The following CELA3B variants were observed in gnomAD, a reference collection of about 807,000 sequenced individuals.
The protein encoded by CELA3B is chymotrypsin like elastase 3B, also known as chymotrypsin-like elastase family member 3B.
A neutral mutation model predicts 37.2 loss-of-function variants in CELA3B; 34 were observed. The ratio of observed to expected loss-of-function variants is 0.91; its 90% CI spans 0.70 to 1.22. The LOEUF (loss-of-function observed/expected upper bound fraction) is 1.22, where lower values mean the gene tolerates loss of function less well. Ranked by LOEUF, CELA3B falls within the 50% of genes most tolerant of loss-of-function variation. The pLI is 0.00. For synonymous variants in CELA3B, 127 were observed against 143.5 expected (o/e 0.89, Z 0.82); for missense variants, 340 against 363.1 (o/e 0.94, Z 0.52).
chr1:21,994,390 C>T (rs12135098), intron 4 of CELA3B, among the ~76,000 whole-genome samples: 2 of 151,152 alleles, frequency 1.3e-5, no homozygotes, highest in East Asian at 3.9e-4. Context: ...AGCATCTCCT[C>T]TCTCTGTCCT....
exon 5 of CELA3B, chr1:21,998,281 A>G (rs530777808): frequency 8.7e-6 from 4 of 457,794 alleles, no homozygotes; most frequent in Admixed American, 7.2e-5. Flanking sequence ...GTTTGAGCTC[A>G]TATTTTCCAA....
chr1:21,977,519 C>T (rs776551128), intron 1 of CELA3B, among the ~76,000 whole-genome samples: 34 of 152,244 alleles, frequency 2.2e-4, no homozygotes, highest in Admixed American at 3.3e-4. Context: ...AAGCAGCCTC[C>T]CTTGACTGAC....
At chr1:21,995,885 G>A (rs1644888168) in intron 4 of CELA3B, among the ~76,000 whole-genome samples, 3 of 148,388 alleles carry the variant, frequency 2.0e-5, no homozygotes, top group Admixed American at 6.7e-5. Flanking sequence ...TTCCCTCTCC[G>A]CAGTTTCTCT....
At chr1:21,998,081 T>G (rs1222069787) in intron 4 of CELA3B, 1 of 464,718 alleles carries the variant, frequency 2.2e-6, no homozygotes, top group Non-Finnish European at 4.5e-6. Flanking sequence ...GGTCCCATAA[T>G]CTCATTCCCT....
chr1:21,980,742 A>G (rs1423515946), intron 2 of CELA3B, 82 bp from the exon 3 acceptor site: 38 of 966,750 alleles, frequency 3.9e-5, no homozygotes, highest in East Asian at 3.1e-4. Context: ...AGAGTTGCAC[A>G]GTGCACAACC....
intron 4 of CELA3B, among the ~76,000 whole-genome samples, chr1:21,981,996 A>T (rs183198243): frequency 6.6e-6 from 1 of 152,082 alleles, no homozygotes; most frequent in Non-Finnish European, 1.5e-5. Flanking sequence ...AAGTGCTAGG[A>T]TTACAGGCAT....
chr1:21,981,400 G>C (rs1644803527), intron 4 of CELA3B, among the ~76,000 whole-genome samples: 2 of 151,200 alleles, frequency 1.3e-5, no homozygotes, highest in South Asian at 4.2e-4. Flanking sequence ...AGTGTTCAGG[G>C]AGGGGCGGGA....
chr1:21,987,585 T>A (rs141453473), intron 7 of CELA3B: 9,788 of 147,874 alleles, frequency 0.066, 411 homozygotes, highest in East Asian at 0.14. Context: ...TATACCCATC[T>A]GGTTCTGCAC....
intron 7 of CELA3B, 52 bp from the exon 8 acceptor site, chr1:21,989,210 A>C (rs1416978520): frequency 2.3e-5 from 34 of 1,470,876 alleles, no homozygotes; most frequent in Middle Eastern, 1.7e-4. Context: ...ATCTGACTCC[A>C]GAACCTGTGC....
At position 21,978,408 on chromosome 1, in the gene CELA3B, G is replaced by C. The variant is rs770398632; in HGVS notation, c.83G>C (p.Arg28Pro). Residue 28 changes from arginine to proline, a missense_variant, in exon 2 of 8, where the codon CGC becomes CCC. Physicochemically the swap from Arg to Pro is moderately radical, Grantham distance 103. Coordinates refer to ENST00000337107, the MANE Select transcript of CELA3B (RefSeq NM_007352.4). ...CCACCTTCCTCTCGCCCTTCCAGCC[G>C]CGTTGTCAATGGTGAGGATGCGGTC... ...YGPPSSRPSS[R>P]VVNGEDAVPY... The C allele has an allele frequency of 3.1e-6, 5 of 1,613,924 alleles. No individual in the cohort carries two copies. The highest frequency in any genetic ancestry group is 4.2e-6 in the Non-Finnish European group (5 of 1,179,956).
rs1235585331 is a variant in CELA3B at position 21,980,341 on chromosome 1, C to T, written c.130-483C>T. On this transcript the variant is annotated intron_variant, in intron 2 of 7. Coordinates refer to ENST00000337107, the MANE Select transcript of CELA3B (RefSeq NM_007352.4). ...CTAAAAATACAAAATTAGCCAGGCACGACGGCAGGTGCCTGTAATCCCAGT... is the reference window on the plus strand; with the variant it reads ...CTAAAAATACAAAATTAGCCAGGCATGACGGCAGGTGCCTGTAATCCCAGT... 1.2e-4 allele frequency among the ~76,000 whole-genome samples: 18 copies of T among 152,024 alleles called. 1 individual carries two copies. The highest frequency in any genetic ancestry group is 7.9e-4 in the Admixed American group (12 of 15,242).
At position 21,983,803 on chromosome 1, in the gene CELA3B, T is replaced by C; in HGVS notation, c.472T>C (p.Tyr158His). ...CATCCTTCCCAACGAGACACCCTGC[T>C]ACATCACCGGCTGGGGCCGTCTCTA... ...GDILPNETPC[Y>H]ITGWGRLYTN... Residue 158 changes from tyrosine (Y) to histidine (H), a missense_variant, in exon 5 of 8, where the codon TAC becomes CAC. By Grantham distance (83) the Tyr-to-His change is moderately conservative (BLOSUM62 2). Transcript: ENST00000337107. 1 of 1,614,026 alleles carries C rather than the reference T, an allele frequency of 6.2e-7. No homozygotes were observed. Among genetic ancestry groups the C allele is most frequent in the Admixed American group, 1.7e-5 (1 of 59,974 alleles).
intron 7 of CELA3B, chr1:21,987,672 G>A (rs1361881226): frequency 2.0e-5 from 3 of 150,854 alleles, no homozygotes; most frequent in Admixed American, 2.0e-4. Context: ...ACTGTCCCAG[G>A]TCAGAAACAG....
At position 21,978,432 on chromosome 1, in the gene CELA3B, T is replaced by C. The variant is rs1334538184; in HGVS notation, c.107T>C (p.Val36Ala). 1 of 1,614,044 alleles carries C rather than the reference T, an allele frequency of 6.2e-7. No individual in the cohort carries two copies. Reference protein sequence around the residue: ...SSRVVNGEDAVPYSWPWQVSL... With the variant: ...SSRVVNGEDAAPYSWPWQVSL... ...CGCGTTGTCAATGGTGAGGATGCGG[T>C]CCCCTACAGCTGGCCCTGGCAGGTA... The change falls in exon 2 of 8, where the codon GTC (valine) becomes GCC (alanine). Residue 36 changes from valine to alanine, a missense_variant. Physicochemically the swap from Val to Ala is moderately conservative, Grantham distance 64 (BLOSUM62 0). Coordinates refer to ENST00000337107, the MANE Select transcript of CELA3B (RefSeq NM_007352.4).
At chr1:21,979,094 C>G (rs1248049222) in intron 2 of CELA3B, among the ~76,000 whole-genome samples, 1 of 151,546 alleles carries the variant, frequency 6.6e-6, no homozygotes, top group Non-Finnish European at 1.5e-5. Flanking sequence ...ATTATTGAGA[C>G]AGAGTTTCAC....
chr1:21,989,100 CTATCAT>C (rs1303427652), intron 7 of CELA3B, among the ~76,000 whole-genome samples, 156 bp from the exon 8 acceptor site: 3 of 151,962 alleles, frequency 2.0e-5, no homozygotes, highest in Admixed American at 2.0e-4. Context: ...GAGGTAAGTT[CTATCAT>C]TATCCCTACT....
rs779820236 is a variant in CELA3B, at chr1:21,977,094, A to T, written c.43+12A>T. ...CCTTGTGGCCGTTGGTAAGACCCCA[A>T]CCTGTGTGTGTGCTCCCTGGGCTGC... On this transcript the variant is annotated intron_variant, in intron 1 of 7. Transcript: ENST00000337107. The T allele has an allele frequency of 1.2e-6, 2 of 1,614,070 alleles. No homozygotes were observed. The highest frequency in any genetic ancestry group is 3.3e-5 in the Admixed American group (2 of 60,000).
intron 6 of CELA3B, among the ~76,000 whole-genome samples, chr1:21,985,846 G>A (rs1020095217): frequency 2.6e-5 from 4 of 151,804 alleles, no homozygotes; most frequent in Non-Finnish European, 4.4e-5. Flanking sequence ...AGCCGAGATC[G>A]CGCCCCTGCA....
Position 21,998,499 on chromosome 1 carries a change from C to G in CELA3B, c.*310C>G, listed in dbSNP as rs1222812760. ...TGCTGCTGCGCTTTTCCAGGCCACA[C>G]AGAGGGGACACCCTCCAGGTGCATC... On this transcript the variant is annotated 3_prime_UTR_variant, in exon 5 of 5. Transcript: ENST00000400277. The G allele has an allele frequency of 9.3e-6, 2 of 215,054 alleles. 1 individual carries two copies. Among genetic ancestry groups the G allele is most frequent in the African/African-American group, 4.6e-5 (2 of 43,878 alleles). The allele number at this position is 215,054 out of a possible 1,614,324, so 13.3% of individuals were successfully genotyped here.
Sources: gnomAD v4.1 joint callset for allele counts (sites outside exome capture counted in the v4.1 genomes callset) on GRCh38, gnomAD v4.1.1 for gene constraint, MANE v1.5 for transcripts, NCBI Gene and HGNC (gene_info 2026-07-23, HGNC 2026-07-21) for gene names.